Variants in ELAVL1 observed in about 807,000 individuals in gnomAD.
ELAVL1 encodes the protein ELAV like RNA binding protein 1, also known as ELAV-like protein 1.
A neutral mutation model predicts 28.4 loss-of-function variants in ELAVL1; 1 was observed. That is an observed-to-expected ratio of 0.04 (90% CI 0.01 to 0.17). The LOEUF (loss-of-function observed/expected upper bound fraction) is 0.17. Ranked by LOEUF, ELAVL1 falls within the 10% of genes least tolerant of loss-of-function variation. The pLI is 1.00. For missense variants in ELAVL1, 157 were observed against 447.2 expected (o/e 0.35, Z 5.85); for synonymous variants, 174 against 183.5 (o/e 0.95, Z 0.42).
At chr19:7,984,105 A>T (rs1237780812) in intron 2 of ELAVL1, among the ~76,000 whole-genome samples, 2 of 152,016 alleles carry the variant, frequency 1.3e-5, no homozygotes, top group African/African-American at 4.8e-5. Context: ...ACCTGCCAAC[A>T]TCACCGAGGG....
rs1183691554 is a variant in ELAVL1 at position 7,981,867 on chromosome 19, T to G, written c.173-681A>C. ...CTGGTGGGACCCCAGTTTGTGTCAC[T>G]GCTGTTTCTCTGCCACTTCCTTGTC... On this transcript the variant is annotated intron_variant, in intron 2 of 5. Transcript: ENST00000407627. The surrounding 1 kb of genome is among the most constrained non-coding windows in gnomAD (Gnocchi z 4.2). 2.6e-5 allele frequency among the ~76,000 whole-genome samples: 4 copies of G among 152,256 alleles called. No individual in the cohort carries two copies. The East Asian group carries it at 7.7e-4, about 29-fold the overall frequency.
intron 1 of ELAVL1, among the ~76,000 whole-genome samples, chr19:7,998,595 C>A (rs898564782): frequency 3.3e-5 from 5 of 152,154 alleles, no homozygotes; most frequent in African/African-American, 1.2e-4. Context: ...TTGGCTGTTC[C>A]CTCTGCAGGG....
intron 1 of ELAVL1, among the ~76,000 whole-genome samples, chr19:8,005,117 T>C (rs1364343346): frequency 2.6e-5 from 4 of 152,048 alleles, no homozygotes; most frequent in South Asian, 2.1e-4. Context: ...CCGTGGGCCG[T>C]GACCTCTGCG....
chr19:7,972,581 T>C (rs548701615), intron 4 of ELAVL1, among the ~76,000 whole-genome samples: 29 of 152,364 alleles, frequency 1.9e-4, no homozygotes, highest in African/African-American at 6.3e-4. Context: ...CCCAAATGCC[T>C]GCAACGAAAG....
At chr19:7,972,633 C>A (rs1985146522) in intron 4 of ELAVL1, among the ~76,000 whole-genome samples, 1 of 149,942 alleles carries the variant, frequency 6.7e-6, no homozygotes, top group South Asian at 2.1e-4. Flanking sequence ...TTTTCTTTTT[C>A]TTTTTTTTTA....
intron 2 of ELAVL1, among the ~76,000 whole-genome samples, chr19:7,986,392 T>C (rs1296078538): frequency 1.3e-5 from 2 of 152,228 alleles, no homozygotes; most frequent in African/African-American, 2.4e-5. Flanking sequence ...GAAGGGTATT[T>C]TACAAAAGTA....
At chr19:7,966,343 A>AC (rs1446482286) in intron 5 of ELAVL1, among the ~76,000 whole-genome samples, 1 of 151,852 alleles carries the variant, frequency 6.6e-6, no homozygotes, top group Non-Finnish European at 1.5e-5. Context: ...CAAGGCCCTG[A>AC]CTCTCATCGC....
chr19:7,992,584 G>A (rs911198252), intron 1 of ELAVL1, among the ~76,000 whole-genome samples: 5 of 152,156 alleles, frequency 3.3e-5, no homozygotes, highest in South Asian at 2.1e-4. Context: ...GATGCAGGTC[G>A]GCGTGGGGGG....
intron 1 of ELAVL1, among the ~76,000 whole-genome samples, chr19:8,005,255 C>T (rs1392996707): frequency 6.6e-6 from 1 of 151,808 alleles, no homozygotes; most frequent in Admixed American, 6.6e-5. Context: ...CACGCCGTAT[C>T]CCCCTCGCCC....
chr19:7,975,611 A>G (rs1298527467), intron 3 of ELAVL1, among the ~76,000 whole-genome samples: 1 of 152,170 alleles, frequency 6.6e-6, no homozygotes, highest in African/African-American at 2.4e-5. Context: ...CTGGCTGCCC[A>G]TTCTCAAGAA....
At chr19:7,990,740 C>T (rs908932463) in intron 2 of ELAVL1, among the ~76,000 whole-genome samples, 2 of 152,002 alleles carry the variant, frequency 1.3e-5, no homozygotes, top group East Asian at 1.9e-4. Context: ...GAGGACTGGC[C>T]GCTCCTTGGC....
intron 1 of ELAVL1, among the ~76,000 whole-genome samples, chr19:7,995,097 A>T (rs530892388): frequency 6.6e-6 from 1 of 152,340 alleles, no homozygotes; most frequent in African/African-American, 2.4e-5. Context: ...ATAGACTTTA[A>T]TCATGAGAAA....
Position 7,961,047 on chromosome 19 carries a change from C to A in ELAVL1, c.*2436G>T, listed in dbSNP as rs77312432. On this transcript the variant is annotated 3_prime_UTR_variant, in exon 6 of 6. Coordinates refer to ENST00000407627, the MANE Select transcript of ELAVL1 (RefSeq NM_001419.3). ...CTGTTCAAACAGCGGAGACCACATA[C>A]AATGAGAATGTTCCTGAACTGAGAA... 6.6e-6 allele frequency: 1 copy of A among 152,192 alleles called. No individual in the cohort carries two copies. Among genetic ancestry groups the A allele is most frequent in the Non-Finnish European group, 1.5e-5 (1 of 68,022 alleles). 9.4% of individuals were successfully genotyped at this position (152,192 alleles called of 1,614,324 possible).
intron 4 of ELAVL1, among the ~76,000 whole-genome samples, chr19:7,968,913 T>G (rs1985029404): frequency 6.6e-6 from 1 of 152,062 alleles, no homozygotes. Flanking sequence ...TAGCTCCTTC[T>G]CTGGGGGCAA....
chr19:7,991,499 G>C, intron 2 of ELAVL1, 145 bp downstream of exon 2: 1 of 812,820 alleles, frequency 1.2e-6, no homozygotes, highest in Non-Finnish European at 1.9e-6. Flanking sequence ...GACAGAGTTT[G>C]AAATAAAAAT....
intron 4 of ELAVL1, chr19:7,973,488 C>T: frequency 1.8e-6 from 1 of 548,598 alleles, no homozygotes; most frequent in Non-Finnish European, 3.2e-6. Context: ...CCTTGGCCTC[C>T]CAAAGTGCTG....
chr19:7,988,368 G>T (rs1438400162), intron 2 of ELAVL1, among the ~76,000 whole-genome samples: 1 of 152,194 alleles, frequency 6.6e-6, no homozygotes, highest in Non-Finnish European at 1.5e-5. Flanking sequence ...TCTGCCCACC[G>T]TGAGTGTCAG....
At chr19:8,003,358 AAAAAAAAAAAAAAAAAGAAAAAG>A (rs1175708270) in intron 1 of ELAVL1, among the ~76,000 whole-genome samples, 9 of 106,066 alleles carry the variant, frequency 8.5e-5, no homozygotes, top group Non-Finnish European at 1.7e-4. Context: ...ACTGTCTCAA[AAAAAAAAAAAAAAAAAGAAAAAG>A]AAAAAAAAAA....
chr19:7,978,389 G>A (rs1985362045), intron 3 of ELAVL1, among the ~76,000 whole-genome samples: 1 of 152,134 alleles, frequency 6.6e-6, no homozygotes, highest in Non-Finnish European at 1.5e-5. Flanking sequence ...TGGGGGAGGG[G>A]AAAGGGGTGC....
Sources: gnomAD v4.1 joint callset for allele counts (sites outside exome capture counted in the v4.1 genomes callset) on GRCh38, gnomAD v4.1.1 for gene constraint, Gnocchi (gnomAD v3.1) non-coding constraint, MANE v1.5 for transcripts, NCBI Gene and HGNC (gene_info 2026-07-23, HGNC 2026-07-21) for gene names.